The following FRMD4A variants were observed in gnomAD, a reference collection of about 807,000 sequenced individuals.
The protein encoded by FRMD4A is FERM domain-containing protein 4A.
FRMD4A carries 29 observed loss-of-function variants against 129.1 expected under a neutral mutation model. The observed-to-expected ratio is 0.22, with a 90% CI of 0.17 to 0.31. FRMD4A has a LOEUF of 0.31. Ranked by LOEUF, FRMD4A falls within the 10% of genes least tolerant of loss-of-function variation. The pLI is 1.00. For missense variants in FRMD4A, 1,272 were observed against 1,375.8 expected (o/e 0.92, Z 1.19); for synonymous variants, 634 against 571.6 (o/e 1.11, Z -1.56).
intron 2 of FRMD4A, among the ~76,000 whole-genome samples, chr10:14,053,855 C>T (rs1834377176): frequency 6.6e-6 from 1 of 151,964 alleles, no homozygotes; most frequent in Admixed American, 6.6e-5. Context: ...AAGATCCCGT[C>T]TCTACAAAAA....
chr10:14,075,027 CTT>C, intron 2 of FRMD4A, among the ~76,000 whole-genome samples: 1 of 142,236 alleles, frequency 7.0e-6, no homozygotes. Flanking sequence ...GAAAGATGTC[CTT>C]ATGAATTAAA....
chr10:13,965,105 G>C (rs1419149567), intron 2 of FRMD4A, among the ~76,000 whole-genome samples: 1 of 148,332 alleles, frequency 6.7e-6, no homozygotes, highest in African/African-American at 2.5e-5. Flanking sequence ...GAGAAGAATG[G>C]TCAGGATATA....
chr10:14,106,516 A>T (rs1026862335), intron 2 of FRMD4A, among the ~76,000 whole-genome samples: 1 of 152,262 alleles, frequency 6.6e-6, no homozygotes, highest in Admixed American at 6.5e-5. Context: ...AAATTAAGTC[A>T]TACATTTATG....
intron 2 of FRMD4A, among the ~76,000 whole-genome samples, chr10:14,045,900 CTATAT>C (rs768472874): frequency 1.2e-3 from 178 of 145,986 alleles, no homozygotes; most frequent in Middle Eastern, 3.8e-3. Flanking sequence ...GATAGTAAAA[CTATAT>C]TATAATTATC....
intron 2 of FRMD4A, among the ~76,000 whole-genome samples, chr10:14,253,735 C>T (rs1376354228): frequency 6.6e-6 from 1 of 152,178 alleles, no homozygotes; most frequent in Non-Finnish European, 1.5e-5. Context: ...CTTCCTTCAC[C>T]TTGTTCTTCT....
chr10:14,307,997 G>A (rs563224627), intron 2 of FRMD4A, among the ~76,000 whole-genome samples: 17 of 152,212 alleles, frequency 1.1e-4, no homozygotes, highest in Non-Finnish European at 1.6e-4. Context: ...AAATCTGTGC[G>A]GCAAATATGC....
intron 2 of FRMD4A, among the ~76,000 whole-genome samples, chr10:14,242,880 G>T (rs1624022): frequency 6.6e-6 from 1 of 151,480 alleles, no homozygotes; most frequent in African/African-American, 2.4e-5. Context: ...AATTCCACTT[G>T]TAGATATAGA....
At chr10:13,711,755 T>A (rs772666317) in intron 12 of FRMD4A, among the ~76,000 whole-genome samples, 1 of 152,220 alleles carries the variant, frequency 6.6e-6, no homozygotes, top group Non-Finnish European at 1.5e-5. Flanking sequence ...TCTTTTGGCA[T>A]CCCTCAAGAA....
chr10:13,785,709 TG>T (rs1435297523), intron 5 of FRMD4A, among the ~76,000 whole-genome samples: 1 of 152,226 alleles, frequency 6.6e-6, no homozygotes, highest in Non-Finnish European at 1.5e-5. Context: ...GCCATGTTGG[TG>T]TGCTGCACCT....
intron 2 of FRMD4A, among the ~76,000 whole-genome samples, chr10:14,011,035 G>A (rs1238501393): frequency 6.6e-6 from 1 of 152,092 alleles, no homozygotes; most frequent in Non-Finnish European, 1.5e-5. Flanking sequence ...TGCTCAGAGG[G>A]GCTTAGTAAG....
At chr10:14,058,767 G>A (rs145390051) in intron 2 of FRMD4A, among the ~76,000 whole-genome samples, 127 of 152,248 alleles carry the variant, frequency 8.3e-4, no homozygotes, top group African/African-American at 3.0e-3. Context: ...GGGTCCCGGT[G>A]ACTACAGGGT....
At chr10:14,270,268 CT>C (rs1196567119) in intron 2 of FRMD4A, among the ~76,000 whole-genome samples, 1 of 152,226 alleles carries the variant, frequency 6.6e-6, no homozygotes, top group Non-Finnish European at 1.5e-5. Flanking sequence ...GCCAATTCCC[CT>C]GATAAATTCC....
intron 2 of FRMD4A, among the ~76,000 whole-genome samples, chr10:14,267,253 A>G (rs758573333): frequency 1.3e-5 from 2 of 152,248 alleles, no homozygotes; most frequent in Non-Finnish European, 2.9e-5. Context: ...TGTGTGGCTG[A>G]GTTCTTGGGA....
At chr10:14,046,241 T>C (rs11258825) in intron 2 of FRMD4A, among the ~76,000 whole-genome samples, 26,518 of 152,156 alleles carry the variant, frequency 0.17, 2,984 homozygotes, top group East Asian at 0.44. Context: ...TTTGTTAAAA[T>C]AATTCAAGTA....
chr10:13,970,900 A>C (rs1169101831), intron 2 of FRMD4A, among the ~76,000 whole-genome samples: 1 of 152,210 alleles, frequency 6.6e-6, no homozygotes, highest in East Asian at 1.9e-4. Context: ...ACTCTCCCTC[A>C]GGAAAGTTTC....
At chr10:14,152,796 C>T (rs1462747098) in intron 2 of FRMD4A, among the ~76,000 whole-genome samples, 3 of 152,022 alleles carry the variant, frequency 2.0e-5, no homozygotes, top group Non-Finnish European at 4.4e-5. Context: ...GCTATGATTG[C>T]ACCACTGCAC....
chr10:14,078,443 T>G (rs1309332309), intron 2 of FRMD4A, among the ~76,000 whole-genome samples: 1 of 152,222 alleles, frequency 6.6e-6, no homozygotes, highest in East Asian at 1.9e-4. Context: ...GAGACCAATC[T>G]ACATAAATCC....
At chr10:13,677,005 G>A (rs1209732424) in intron 15 of FRMD4A, among the ~76,000 whole-genome samples, 1 of 152,140 alleles carries the variant, frequency 6.6e-6, no homozygotes, top group Admixed American at 6.6e-5. Context: ...GGTAGAAAAG[G>A]CAATGCAGCA....
intron 2 of FRMD4A, among the ~76,000 whole-genome samples, chr10:14,111,805 A>G (rs1158085514): frequency 1.3e-5 from 2 of 151,684 alleles, no homozygotes; most frequent in Non-Finnish European, 2.9e-5. Flanking sequence ...CTGACAAACT[A>G]ATGACAAAAA....
Sources: gnomAD v4.1 joint callset for allele counts (sites outside exome capture counted in the v4.1 genomes callset) on GRCh38, gnomAD v4.1.1 for gene constraint, MANE v1.5 for transcripts, NCBI Gene and HGNC (gene_info 2026-07-23, HGNC 2026-07-21) for gene names.